Variants in SHANK2 observed in about 807,000 individuals in gnomAD.
The protein encoded by SHANK2 is SH3 and multiple ankyrin repeat domains protein 2.
A neutral mutation model predicts 133.7 loss-of-function variants in SHANK2; 43 were observed. The ratio of observed to expected loss-of-function variants is 0.32; its 90% CI spans 0.25 to 0.41. SHANK2 has a LOEUF of 0.41. SHANK2 is among the 10% of genes least tolerant of loss of function. SHANK2 has a pLI of 1.00. For missense variants in SHANK2, 1,994 were observed against 2,235.8 expected (o/e 0.89, Z 2.18); for synonymous variants, 1,017 against 952.8 (o/e 1.07, Z -1.24).
chr11:71,205,811 TG>T (rs1954116040), intron 2 of SHANK2, among the ~76,000 whole-genome samples: 1 of 152,080 alleles, frequency 6.6e-6, no homozygotes, highest in African/African-American at 2.4e-5. Flanking sequence ...AGGGTCACTG[TG>T]GGAAGATGGC....
chr11:70,706,548 G>A (rs1945667223), intron 14 of SHANK2, among the ~76,000 whole-genome samples: 1 of 152,104 alleles, frequency 6.6e-6, no homozygotes, highest in Non-Finnish European at 1.5e-5. Context: ...CTTCTCAGCT[G>A]TGAAGTGGGC....
At chr11:71,105,954 A>G (rs1951796868) in intron 6 of SHANK2, among the ~76,000 whole-genome samples, 1 of 152,196 alleles carries the variant, frequency 6.6e-6, no homozygotes, top group Admixed American at 6.5e-5. Context: ...CTTGAGGATC[A>G]CTACTGGGTT....
chr11:71,121,261 A>C (rs782073665), intron 3 of SHANK2, among the ~76,000 whole-genome samples: 56 of 152,234 alleles, frequency 3.7e-4, no homozygotes, highest in Admixed American at 1.2e-3. Flanking sequence ...GATCAAACAG[A>C]ATATAAATAA....
At chr11:70,766,511 T>A (rs561256316) in intron 14 of SHANK2, among the ~76,000 whole-genome samples, 2 of 152,340 alleles carry the variant, frequency 1.3e-5, no homozygotes, top group African/African-American at 4.8e-5. Context: ...TTTGAAAGCA[T>A]CTTATTTGAT....
chr11:71,099,092 A>G (rs1417006316), intron 6 of SHANK2, among the ~76,000 whole-genome samples: 1 of 152,138 alleles, frequency 6.6e-6, no homozygotes, highest in Non-Finnish European at 1.5e-5. Flanking sequence ...ATGGATCCCA[A>G]TAAGGGGCAC....
In SHANK2 at chr11:70,867,954, C is replaced by T. The variant is rs547032147; in HGVS notation, c.1174+28547G>A. On this transcript the variant is annotated intron_variant, in intron 11 of 25. Coordinates refer to ENST00000601538, the MANE Select transcript of SHANK2 (RefSeq NM_012309.5). ...TGCTACCACTTAATTCCATCACTGA[C>T]TGTGCCTCCCTCTAAATTGATCAGT... Among the ~76,000 whole-genome samples the T allele has an allele frequency of 3.3e-5, 5 of 152,366 alleles. No individual in the cohort carries two copies. In the East Asian group the frequency reaches 9.6e-4, roughly 29 times the overall value.
chr11:70,654,619 C>T (rs1327284874), intron 17 of SHANK2, among the ~76,000 whole-genome samples: 1 of 152,120 alleles, frequency 6.6e-6, no homozygotes, highest in Non-Finnish European at 1.5e-5. Flanking sequence ...TTAAGAGCTC[C>T]TTGTAAACAT....
At chr11:70,650,394 C>G (rs1420664010) in intron 17 of SHANK2, among the ~76,000 whole-genome samples, 1 of 152,162 alleles carries the variant, frequency 6.6e-6, no homozygotes, top group Admixed American at 6.5e-5. Flanking sequence ...AGGGCTTTCT[C>G]CAGACTCCTG....
chr11:70,783,375 C>G (rs1365344925), intron 14 of SHANK2, among the ~76,000 whole-genome samples: 1 of 152,136 alleles, frequency 6.6e-6, no homozygotes, highest in Admixed American at 6.5e-5. Context: ...ACTCCCACAG[C>G]AAGCGGACTA....
intron 15 of SHANK2, among the ~76,000 whole-genome samples, chr11:70,670,541 C>T (rs1296933663): frequency 4.6e-5 from 7 of 152,120 alleles, no homozygotes; most frequent in South Asian, 2.1e-4. Flanking sequence ...GGGCAGGCTG[C>T]GGGAGAACAG....
intron 15 of SHANK2, among the ~76,000 whole-genome samples, chr11:70,693,674 A>G (rs1470052944): frequency 1.3e-5 from 2 of 152,214 alleles, no homozygotes; most frequent in African/African-American, 2.4e-5. Flanking sequence ...TCTTGTTTAT[A>G]TCCTCAGCTC....
At chr11:70,713,840 C>G (rs1210167464) in intron 14 of SHANK2, among the ~76,000 whole-genome samples, 1 of 152,268 alleles carries the variant, frequency 6.6e-6, no homozygotes, top group African/African-American at 2.4e-5. Flanking sequence ...AGCAACACTA[C>G]AAGAAAAGTG....
chr11:71,144,301 C>A (rs1431186606), intron 3 of SHANK2, among the ~76,000 whole-genome samples: 1 of 152,202 alleles, frequency 6.6e-6, no homozygotes, highest in South Asian at 2.1e-4. Context: ...ACCTCCACTG[C>A]GTTTCCCAGC....
In SHANK2 at chr11:71,162,705, C is replaced by T. The variant is rs150999396; in HGVS notation, c.-12-15367G>A. Among the ~76,000 whole-genome samples the T allele has an allele frequency of 1.2e-3, 185 of 152,124 alleles. 3 individuals are homozygous for T. The South Asian group carries it at 0.021, about 17-fold the overall frequency. On this transcript the variant is annotated intron_variant, in intron 2 of 25. Coordinates refer to ENST00000601538, the MANE Select transcript of SHANK2 (RefSeq NM_012309.5). ...ATGGCTATCTTCACCTATCTATAGC[C>T]CAACTTCAAAACAGTGATTACTGCT...
chr11:71,229,081 TC>T (rs1954692299), intron 1 of SHANK2, among the ~76,000 whole-genome samples: 1 of 152,010 alleles, frequency 6.6e-6, no homozygotes, highest in South Asian at 2.1e-4. Flanking sequence ...GATGGGAATT[TC>T]CCCCACTTGA....
chr11:71,118,408 T>C (rs572714991), intron 4 of SHANK2, among the ~76,000 whole-genome samples: 1 of 152,152 alleles, frequency 6.6e-6, no homozygotes, highest in Non-Finnish European at 1.5e-5. Context: ...TCAGGAACAT[T>C]ACAGTCATGG....
intron 14 of SHANK2, among the ~76,000 whole-genome samples, chr11:70,789,765 C>T (rs185993494): frequency 5.1e-4 from 78 of 152,334 alleles, no homozygotes; most frequent in African/African-American, 1.8e-3. Flanking sequence ...CCACTCCTAC[C>T]TCAGTGGCTT....
rs35737323 is a variant in SHANK2 at position 70,690,488 on chromosome 11, G to GTTTTT, written c.1853+8195_1853+8199dup. Among the ~76,000 whole-genome samples the GTTTTT allele has an allele frequency of 4.1e-3, 136 of 32,816 alleles. 28 individuals are homozygous for GTTTTT. Among genetic ancestry groups the GTTTTT allele is most frequent in the South Asian group, 0.012 (5 of 412 alleles). 21.5% of individuals were successfully genotyped at this position (32,816 alleles called of 152,430 possible). A position where few individuals can be genotyped will look rare whatever the true frequency, so the allele number is the denominator to read the frequency against. ...ATCATCATAATGTAATACTTCCCAT[G>GTTTTT]TTTTTTTTTTTTTTTTTTTTTTTTT... is the stretch of plus-strand genomic sequence containing the variant. On this transcript the variant is annotated intron_variant, in intron 15 of 25. Coordinates refer to ENST00000601538, the MANE Select transcript of SHANK2 (RefSeq NM_012309.5).
chr11:71,088,285 AT>A (rs1423581898), intron 8 of SHANK2, among the ~76,000 whole-genome samples: 1 of 152,086 alleles, frequency 6.6e-6, no homozygotes, highest in African/African-American at 2.4e-5. Context: ...TCAAAATACT[AT>A]TTTAAAAAAT....
Sources: allele counts gnomAD v4.1 joint callset (sites outside exome capture counted in the v4.1 genomes callset), GRCh38; gene constraint gnomAD v4.1.1; transcripts MANE v1.5; gene names NCBI Gene and HGNC (gene_info 2026-07-23, HGNC 2026-07-21).